The following NELL1 variants were observed in gnomAD, a reference collection of about 807,000 sequenced individuals.
NELL1 encodes protein kinase C-binding protein NELL1.
Under a neutral mutation model 107.4 loss-of-function variants are expected in NELL1, and 76 were observed. The ratio of observed to expected loss-of-function variants is 0.71; its 90% confidence interval spans 0.59 to 0.86. NELL1 has a LOEUF of 0.86. Ranked by LOEUF, NELL1 falls within the 40% of genes least tolerant of loss-of-function variation. The pLI is 0.00. For synonymous variants in NELL1, 353 were observed against 341.2 expected (o/e 1.03, Z -0.38); for missense variants, 1,024 against 1,005.5 (o/e 1.02, Z -0.25).
At chr11:20,916,779 AG>A (rs1222117790) in intron 5 of NELL1, among the ~76,000 whole-genome samples, 1 of 151,948 alleles carries the variant, frequency 6.6e-6, no homozygotes, top group Admixed American at 6.6e-5. Context: ...ATGAAAGCAT[AG>A]ATGTCTAAAA....
chr11:21,469,189 G>C, intron 15 of NELL1, among the ~76,000 whole-genome samples: 1 of 152,104 alleles, frequency 6.6e-6, no homozygotes, highest in African/African-American at 2.4e-5. Flanking sequence ...ACATGCATTT[G>C]TTTTTCAGGA....
At chr11:21,456,818 A>G (rs1402927236) in intron 15 of NELL1, among the ~76,000 whole-genome samples, 1 of 152,218 alleles carries the variant, frequency 6.6e-6, no homozygotes, top group Non-Finnish European at 1.5e-5. Flanking sequence ...AATATATGTG[A>G]TGCAGACAGA....
intron 13 of NELL1, among the ~76,000 whole-genome samples, chr11:21,159,779 C>T (rs796606390): frequency 5.9e-5 from 9 of 152,274 alleles, no homozygotes; most frequent in African/African-American, 1.9e-4. Flanking sequence ...AGTGGCTGAC[C>T]GGTTGAAACA....
intron 3 of NELL1, among the ~76,000 whole-genome samples, chr11:20,829,390 C>G (rs1180669912): frequency 6.6e-6 from 1 of 152,026 alleles, no homozygotes; most frequent in African/African-American, 2.4e-5. Context: ...CCACACCTGG[C>G]TAATTTTTGT....
chr11:21,077,312 T>C (rs1251566512), intron 12 of NELL1, among the ~76,000 whole-genome samples: 3 of 152,076 alleles, frequency 2.0e-5, no homozygotes, highest in South Asian at 4.1e-4. Context: ...CTCATTATGA[T>C]AGGAAATAAA....
At chr11:21,527,767 A>C (rs57606797) in intron 15 of NELL1, among the ~76,000 whole-genome samples, 48,095 of 152,058 alleles carry the variant, frequency 0.32, 8,144 homozygotes, top group Middle Eastern at 0.42. Flanking sequence ...CCAAAAGCTG[A>C]AGAGCTTGGA....
chr11:21,178,256 C>T (rs1008873716), intron 13 of NELL1, among the ~76,000 whole-genome samples: 1 of 151,556 alleles, frequency 6.6e-6, no homozygotes, highest in African/African-American at 2.4e-5. Flanking sequence ...TCACCTGAGG[C>T]TGCTAATCAC....
intron 13 of NELL1, among the ~76,000 whole-genome samples, chr11:21,222,378 A>G (rs1590747159): frequency 7.0e-6 from 1 of 143,370 alleles, no homozygotes; most frequent in East Asian, 2.0e-4. Flanking sequence ...TTTTTTTTTT[A>G]GTAGAGACGG....
At chr11:20,935,675 A>C (rs763273541) in intron 9 of NELL1, 2 of 152,212 alleles carry the variant, frequency 1.3e-5, no homozygotes, top group Non-Finnish European at 2.9e-5. Context: ...GGACTGGTGA[A>C]GATTGAGACT....
intron 12 of NELL1, among the ~76,000 whole-genome samples, chr11:21,042,040 T>C (rs2134333459): frequency 6.6e-6 from 1 of 152,382 alleles, no homozygotes; most frequent in East Asian, 1.9e-4. Context: ...TTGAGAAGCA[T>C]GCTGTAAATA....
At chr11:20,907,432 A>G (rs1049927162) in intron 5 of NELL1, among the ~76,000 whole-genome samples, 3 of 152,138 alleles carry the variant, frequency 2.0e-5, no homozygotes, top group Non-Finnish European at 2.9e-5. Flanking sequence ...CATTTCTCCA[A>G]AGAAGATATA....
chr11:21,296,833 TA>T (rs1270707331), intron 14 of NELL1, among the ~76,000 whole-genome samples: 2 of 151,570 alleles, frequency 1.3e-5, no homozygotes, highest in Non-Finnish European at 2.9e-5. Context: ...AATTATTTAA[TA>T]TTTTTATAGT....
chr11:21,203,424 C>A (rs1857315297), intron 13 of NELL1, among the ~76,000 whole-genome samples: 4 of 129,792 alleles, frequency 3.1e-5, no homozygotes, highest in African/African-American at 5.3e-5. Context: ...AGAATTGCAA[C>A]CCTTGCTTTT....
At chr11:20,718,464 T>C (rs1053073444) in intron 2 of NELL1, among the ~76,000 whole-genome samples, 2 of 135,808 alleles carry the variant, frequency 1.5e-5, no homozygotes, top group Middle Eastern at 3.2e-3. Flanking sequence ...ATTTATTCAT[T>C]TTTTTTTTTT....
intron 1 of NELL1, among the ~76,000 whole-genome samples, chr11:20,674,289 T>A (rs961286401): frequency 2.0e-5 from 3 of 152,148 alleles, no homozygotes; most frequent in African/African-American, 2.4e-5. Context: ...TCCAGTGGAA[T>A]TGAGGACCAG....
intron 15 of NELL1, among the ~76,000 whole-genome samples, chr11:21,489,069 A>G (rs1854720771): frequency 6.6e-6 from 1 of 151,870 alleles, no homozygotes; most frequent in Non-Finnish European, 1.5e-5. Context: ...AAATCCAAAG[A>G]AAAAAAATCA....
intron 15 of NELL1, among the ~76,000 whole-genome samples, chr11:21,438,240 G>A (rs1187236007): frequency 6.7e-6 from 1 of 148,964 alleles, no homozygotes; most frequent in Non-Finnish European, 1.5e-5. Context: ...CTTTACTGGT[G>A]CAGTATTCTT....
chr11:21,052,342 A>G (rs998437721), intron 12 of NELL1, among the ~76,000 whole-genome samples: 43 of 152,160 alleles, frequency 2.8e-4, no homozygotes, highest in Admixed American at 2.6e-3. Flanking sequence ...GATCTCACTT[A>G]CATTTAAACA....
At chr11:21,024,492 T>G (rs1459636017) in intron 12 of NELL1, among the ~76,000 whole-genome samples, 1 of 152,120 alleles carries the variant, frequency 6.6e-6, no homozygotes, top group Non-Finnish European at 1.5e-5. Flanking sequence ...AGTTAAAATT[T>G]ATTGTTCAAA....
Sources: allele counts gnomAD v4.1 joint callset (sites outside exome capture counted in the v4.1 genomes callset), GRCh38; gene constraint gnomAD v4.1.1; transcripts MANE v1.5; gene names NCBI Gene and HGNC (gene_info 2026-07-23, HGNC 2026-07-21).